NAALADL2: variants seen among roughly 807,000 people sequenced by gnomAD.
NAALADL2 encodes inactive N-acetylated-alpha-linked acidic dipeptidase-like protein 2.
Under a neutral mutation model 87.2 loss-of-function variants are expected in NAALADL2, and 76 were observed. That is an observed-to-expected ratio of 0.87 (90% CI 0.72 to 1.05). NAALADL2 has a LOEUF of 1.05. NAALADL2 is among the 50% of genes least tolerant of loss of function. The probability of loss-of-function intolerance (pLI) is 0.00; values close to 1 mark genes in which losing one functional copy is unlikely to be tolerated. For synonymous variants in NAALADL2, 354 were observed against 331.0 expected, an observed-to-expected ratio of 1.07 and a Z score of -0.75; for missense variants, 1,089 against 945.8, an observed-to-expected ratio of 1.15 and a Z score of -1.99.
intron 2 of NAALADL2, among the ~76,000 whole-genome samples, chr3:174,584,003 TTTG>T (rs1716434938): frequency 6.6e-6 from 1 of 152,184 alleles, no homozygotes; most frequent in Admixed American, 6.5e-5. Flanking sequence ...TGTTCATTGA[TTTG>T]TTATCATTAT....
Position 175,466,983 on chromosome 3 carries a change from G to A in NAALADL2, c.1332G>A (p.Arg444=). The change falls in exon 8 of 14, where the codon CGG becomes CGA. Residue 444 remains arginine, a synonymous_variant. Transcript: ENST00000454872. ...CTTGTCCCTTTCTATTTTCAGACCG[G>A]TATATCATAGTTGGCAGCCATCATC... The part of the protein sequence containing the change: ...GFVMGLTSPD[R]YIIVGSHHHT... 6.2e-7 allele frequency: 1 copy of A among 1,611,318 alleles called. No individual in the cohort carries two copies. Among genetic ancestry groups the A allele is most frequent in the Non-Finnish European group, 8.5e-7 (1 of 1,177,618 alleles).
At chr3:174,816,311 C>A (rs1485894754) in intron 3 of NAALADL2, among the ~76,000 whole-genome samples, 1 of 150,742 alleles carries the variant, frequency 6.6e-6, no homozygotes, top group African/African-American at 2.4e-5. Context: ...GTCTCTCTTT[C>A]TATGTATAAT....
chr3:174,818,601 T>G (rs1392496661), intron 3 of NAALADL2, among the ~76,000 whole-genome samples: 3 of 152,178 alleles, frequency 2.0e-5, no homozygotes, highest in Non-Finnish European at 4.4e-5. Flanking sequence ...ATTTTCTCCT[T>G]CCTCTACCTG....
At chr3:175,729,888 G>C (rs748169134) in intron 11 of NAALADL2, among the ~76,000 whole-genome samples, 1 of 150,442 alleles carries the variant, frequency 6.6e-6, no homozygotes, top group Admixed American at 6.7e-5. Context: ...GCTCTATTGC[G>C]TTTTAAATTT....
chr3:175,711,850 T>C (rs1310559768), intron 11 of NAALADL2, among the ~76,000 whole-genome samples: 1 of 151,916 alleles, frequency 6.6e-6, no homozygotes, highest in East Asian at 1.9e-4. Context: ...AAAATGAGAT[T>C]AGTGTTTATT....
At chr3:174,516,115 A>G (rs1719922357) in intron 1 of NAALADL2, among the ~76,000 whole-genome samples, 1 of 152,094 alleles carries the variant, frequency 6.6e-6, no homozygotes, top group Non-Finnish European at 1.5e-5. Flanking sequence ...TGGTCTTCAT[A>G]CTGCCTCCCT....
intron 2 of NAALADL2, among the ~76,000 whole-genome samples, chr3:174,615,624 T>G (rs1424409893): frequency 6.6e-6 from 1 of 152,124 alleles, no homozygotes; most frequent in Non-Finnish European, 1.5e-5. Flanking sequence ...ATTGATTATT[T>G]TAGCAAAGTT....
rs1167949486 is a variant in NAALADL2 at position 175,477,889 on chromosome 3, CT to C, written c.1653+6139del. On this transcript the variant is annotated intron_variant, in intron 9 of 13. Transcript: ENST00000454872. The stretch of plus-strand genomic sequence containing the variant: ...ACACTCTTTTTTTGGTTACTTGCAA[CT>C]TTTTTTTCCACAAGAATTGTTGACC... 5.3e-5 allele frequency among the ~76,000 whole-genome samples: 8 copies of C among 151,882 alleles called. No individual in the cohort carries two copies. The South Asian group carries it at 1.2e-3, about 24-fold the overall frequency.
At chr3:175,356,478 G>A (rs550195360) in intron 5 of NAALADL2, among the ~76,000 whole-genome samples, 2 of 151,666 alleles carry the variant, frequency 1.3e-5, no homozygotes, top group African/African-American at 4.8e-5. Context: ...GAGAGGTTGA[G>A]GTGGGAGGAT....
chr3:175,282,515 C>G (rs1487502104), intron 4 of NAALADL2, among the ~76,000 whole-genome samples: 1 of 151,982 alleles, frequency 6.6e-6, no homozygotes. Context: ...AGAATATCAT[C>G]TGAATAAAAG....
At chr3:174,572,907 A>T (rs1035576078) in intron 2 of NAALADL2, among the ~76,000 whole-genome samples, 18 of 152,314 alleles carry the variant, frequency 1.2e-4, no homozygotes, top group African/African-American at 4.3e-4. Context: ...TCTATGAGGT[A>T]GGTAATGGTA....
At chr3:174,782,708 G>A (rs1716138384) in intron 3 of NAALADL2, among the ~76,000 whole-genome samples, 1 of 152,026 alleles carries the variant, frequency 6.6e-6, no homozygotes. Flanking sequence ...ATGGCAGAAG[G>A]GGAAGAAAAC....
intron 3 of NAALADL2, among the ~76,000 whole-genome samples, chr3:174,768,284 G>T (rs1257607885): frequency 6.6e-6 from 1 of 152,060 alleles, no homozygotes; most frequent in Non-Finnish European, 1.5e-5. Context: ...AAGTAAAATT[G>T]GATAATATAT....
At chr3:174,612,772 G>GT (rs1720057477) in intron 2 of NAALADL2, among the ~76,000 whole-genome samples, 1 of 152,070 alleles carries the variant, frequency 6.6e-6, no homozygotes, top group Non-Finnish European at 1.5e-5. Context: ...ACTTACCTCT[G>GT]TTTCTCCTAA....
At chr3:174,732,214 T>C (rs1244260194) in intron 2 of NAALADL2, among the ~76,000 whole-genome samples, 2 of 152,172 alleles carry the variant, frequency 1.3e-5, no homozygotes, top group Non-Finnish European at 1.5e-5. Flanking sequence ...ATATGATTTT[T>C]TGACTCTCTT....
At chr3:174,920,923 C>T (rs1333778535) in intron 1 of NAALADL2, among the ~76,000 whole-genome samples, 5 of 152,064 alleles carry the variant, frequency 3.3e-5, no homozygotes, top group Non-Finnish European at 7.4e-5. Context: ...AACAGAAGAG[C>T]GGCTGATTGG....
intron 2 of NAALADL2, among the ~76,000 whole-genome samples, chr3:174,720,658 A>G (rs116793447): frequency 0.014 from 2,074 of 152,266 alleles, 11 homozygotes; most frequent in Middle Eastern, 0.02. Context: ...ATGAAAAAAA[A>G]ATTATCGTTA....
At chr3:175,784,339 A>T (rs1230332426) in intron 13 of NAALADL2, among the ~76,000 whole-genome samples, 1 of 151,910 alleles carries the variant, frequency 6.6e-6, no homozygotes, top group African/African-American at 2.4e-5. Flanking sequence ...GTCCTGGACT[A>T]TTTTTGGTTG....
chr3:175,477,895 T>C (rs1422217523), intron 9 of NAALADL2, among the ~76,000 whole-genome samples: 3 of 152,146 alleles, frequency 2.0e-5, no homozygotes, highest in Non-Finnish European at 4.4e-5. Flanking sequence ...GCAACTTTTT[T>C]TTCCACAAGA....
Sources: gnomAD v4.1 joint callset for allele counts (sites outside exome capture counted in the v4.1 genomes callset) on GRCh38, gnomAD v4.1.1 for gene constraint, MANE v1.5 for transcripts, NCBI Gene and HGNC (gene_info 2026-07-23, HGNC 2026-07-21) for gene names.